Variants in SLC26A3 observed in about 807,000 individuals in gnomAD.
The protein encoded by SLC26A3 is solute carrier family 26 member 3, also known as chloride anion exchanger.
In SLC26A3, 64 loss-of-function variants were observed where a neutral mutation model predicts 85.6. The observed-to-expected ratio is 0.75, with a 90% CI of 0.61 to 0.92. SLC26A3 has a LOEUF of 0.92. SLC26A3 is among the 40% of genes least tolerant of loss of function. The probability of loss-of-function intolerance (pLI) is 0.00; values close to 1 mark genes in which losing one functional copy is unlikely to be tolerated. For missense variants in SLC26A3, 922 were observed against 927.3 expected (o/e 0.99, Z 0.07); for synonymous variants, 349 against 336.0 (o/e 1.04, Z -0.42).
intron 1 of SLC26A3, among the ~76,000 whole-genome samples, chr7:107,796,349 C>T (rs1299442308): frequency 6.6e-6 from 1 of 152,094 alleles, no homozygotes; most frequent in Non-Finnish European, 1.5e-5. Context: ...TTAAGCAATC[C>T]TTCAACCTCA....
At chr7:107,797,855 T>G (rs1794536563) in intron 1 of SLC26A3, among the ~76,000 whole-genome samples, 1 of 152,038 alleles carries the variant, frequency 6.6e-6, no homozygotes, top group East Asian at 1.9e-4. Flanking sequence ...TTTTTTCACC[T>G]GAACAAGTTA....
At position 107,774,661 on chromosome 7, in the gene SLC26A3, A is replaced by T. The variant is rs1794081313; in HGVS notation, c.1773+116T>A. 8 of 810,942 alleles carry T rather than the reference A, an allele frequency of 9.9e-6. No homozygotes were observed. In the South Asian group the frequency reaches 1.1e-4, roughly 11 times the overall value. The allele number at this position is 810,942 out of a possible 1,614,324, so 50.2% of individuals were successfully genotyped here. A position where few individuals can be genotyped will look rare whatever the true frequency, so the allele number is the denominator to read the frequency against. On this transcript the variant is annotated intron_variant, in intron 16 of 20. Coordinates refer to ENST00000340010, the MANE Select transcript of SLC26A3 (RefSeq NM_000111.3). ...TCATTTTAAAATATAACACTCATTG[A>T]CACATGAAATCCCTTGTTTATCTGG...
intron 18 of SLC26A3, among the ~76,000 whole-genome samples, chr7:107,770,657 T>G (rs956954086): frequency 5.9e-5 from 9 of 152,194 alleles, no homozygotes; most frequent in African/African-American, 2.2e-4. Context: ...ATAAGCTTCA[T>G]GAGGACAGAG....
intron 17 of SLC26A3, 97 bp from the exon 18 acceptor site, chr7:107,772,205 C>A: frequency 1.3e-6 from 1 of 743,016 alleles, no homozygotes; most frequent in South Asian, 1.5e-5. Context: ...GTGATATATT[C>A]CTTTTAGAAG....
chr7:107,781,276 A>G (rs1015346031), intron 11 of SLC26A3, among the ~76,000 whole-genome samples: 4 of 152,198 alleles, frequency 2.6e-5, no homozygotes, highest in Non-Finnish European at 4.4e-5. Flanking sequence ...GCACTCAATA[A>G]ATACCTATTA....
chr7:107,768,791 C>T (rs1173549231), intron 18 of SLC26A3, among the ~76,000 whole-genome samples: 1 of 152,000 alleles, frequency 6.6e-6, no homozygotes, highest in East Asian at 1.9e-4. Flanking sequence ...ACCGTCTAAA[C>T]GTGCCTAGGA....
chr7:107,793,422 T>G (rs1438726238), intron 3 of SLC26A3, among the ~76,000 whole-genome samples: 1 of 152,190 alleles, frequency 6.6e-6, no homozygotes, highest in Non-Finnish European at 1.5e-5. Context: ...TAAAATGGAA[T>G]GAAGTACCAA....
rs775193020 is a variant in SLC26A3 at position 107,776,691 on chromosome 7, C to T, written c.1530G>A (p.Thr510=). Residue 510 remains threonine (T), a synonymous_variant, in exon 14 of 21, where the codon ACG becomes ACA. Coordinates refer to ENST00000340010, the MANE Select transcript of SLC26A3 (RefSeq NM_000111.3). ...VFRTQFPKCS[T]LANIGRTNIY... ...TGTTGGTTCTTCCAATATTAGCCAG[C>T]GTGCTGCATTTTGGACTGTAGGGAG... 1.1e-5 allele frequency: 17 copies of T among 1,613,588 alleles called. No homozygotes were observed. The highest frequency in any genetic ancestry group is 4.5e-5 in the East Asian group (2 of 44,876).
Position 107,791,130 on chromosome 7 carries a change from G to A in SLC26A3, c.488C>T (p.Ser163Leu), listed in dbSNP as rs778088438. Residue 163 changes from serine (S) to leucine (L), a missense_variant, in exon 5 of 21, where the codon TCG becomes TTG. Coordinates refer to ENST00000340010, the MANE Select transcript of SLC26A3 (RefSeq NM_000111.3). ...NATTLGLPNN[S>L]NNSSLLDDER... ...GTCATCCAGTAGTGAAGAATTATTCGAGTTGTTAGGCAATCCCAAAGTAGT... is the reference window on the plus strand; with the variant it reads ...GTCATCCAGTAGTGAAGAATTATTCAAGTTGTTAGGCAATCCCAAAGTAGT... 17 of 1,614,186 alleles carry A rather than the reference G, an allele frequency of 1.1e-5. No homozygotes were observed. The highest frequency in any genetic ancestry group is 1.6e-4 in the Middle Eastern group (1 of 6,062).
intron 1 of SLC26A3, among the ~76,000 whole-genome samples, chr7:107,799,687 A>G (rs1794570466): frequency 6.6e-6 from 1 of 152,128 alleles, no homozygotes; most frequent in Non-Finnish European, 1.5e-5. Context: ...CACCCGGCCC[A>G]AGGCTTCAAT....
chr7:107,802,556 C>T (rs1197897365), intron 1 of SLC26A3, among the ~76,000 whole-genome samples: 5 of 151,596 alleles, frequency 3.3e-5, no homozygotes, highest in Non-Finnish European at 7.4e-5. Context: ...TTTTAAGAGA[C>T]AAGGTCTTGC....
In SLC26A3 at chr7:107,783,327, C is replaced by A; in HGVS notation, c.997G>T (p.Val333Leu). 6.2e-7 allele frequency: 1 copy of A among 1,614,150 alleles called. No individual in the cohort carries two copies. The highest frequency in any genetic ancestry group is 1.1e-5 in the South Asian group (1 of 91,074). ...CCTACGGTGTTTTGGAAAGTCTCCA[C>A]GTCAGGTGTAATAGGGGGCTGAAAT... is the stretch of plus-strand genomic sequence containing the variant. ...PGFQPPITPDVETFQNTVGDC... is the reference protein window; with the variant it reads ...PGFQPPITPDLETFQNTVGDC... The change falls in exon 9 of 21, where the codon GTG becomes TTG. Residue 333 changes from valine to leucine, a missense_variant. Coordinates refer to ENST00000340010, the MANE Select transcript of SLC26A3 (RefSeq NM_000111.3).
chr7:107,768,512 A>C (rs1793953174), intron 18 of SLC26A3, among the ~76,000 whole-genome samples: 1 of 152,238 alleles, frequency 6.6e-6, no homozygotes, highest in Non-Finnish European at 1.5e-5. Flanking sequence ...AGAAAGATCA[A>C]AAGATAAATT....
chr7:107,783,039 C>A lies in SLC26A3; in HGVS notation c.1174G>T (p.Ala392Ser). The A allele has an allele frequency of 6.2e-7, 1 of 1,614,214 alleles. No homozygotes were observed. The highest frequency in any genetic ancestry group is 8.5e-7 in the Non-Finnish European group (1 of 1,180,032). Residue 392 changes from alanine (A) to serine (S), a missense_variant, in exon 10 of 21, where the codon GCT (alanine) becomes TCT (serine). Coordinates refer to ENST00000340010, the MANE Select transcript of SLC26A3 (RefSeq NM_000111.3). ...NIVCGVFRGF[A>S]GSTALSRSAV... ...GATCTGGAGAGGGCAGTACTCCCAGCAAATCCTCTGAATACTCCACAGACT... is the reference window on the plus strand; with the variant it reads ...GATCTGGAGAGGGCAGTACTCCCAGAAAATCCTCTGAATACTCCACAGACT...
At chr7:107,775,290 GTTAT>G (rs1033962457) in intron 15 of SLC26A3, among the ~76,000 whole-genome samples, 3 of 151,612 alleles carry the variant, frequency 2.0e-5, no homozygotes, top group African/African-American at 4.8e-5. Context: ...ATAATGGTAT[GTTAT>G]TTATTATTGT....
intron 5 of SLC26A3, 36 bp from the exon 6 acceptor site, chr7:107,789,724 T>G (rs2115868273): frequency 6.3e-7 from 1 of 1,598,314 alleles, no homozygotes; most frequent in South Asian, 1.1e-5. Context: ...CAGCATAGAT[T>G]AGGAGTATAC....
At chr7:107,790,632 C>G (rs1794379911) in intron 5 of SLC26A3, among the ~76,000 whole-genome samples, 1 of 152,152 alleles carries the variant, frequency 6.6e-6, no homozygotes, top group African/African-American at 2.4e-5. Context: ...CCCATCCCTT[C>G]CAACTAGATT....
At chr7:107,799,123 C>T (rs1461186370) in intron 1 of SLC26A3, among the ~76,000 whole-genome samples, 2 of 152,064 alleles carry the variant, frequency 1.3e-5, no homozygotes, top group Non-Finnish European at 2.9e-5. Flanking sequence ...GGGGAGGGGT[C>T]TCAGCACTGA....
chr7:107,795,178 T>C (rs78132126), intron 1 of SLC26A3, among the ~76,000 whole-genome samples: 2,099 of 152,276 alleles, frequency 0.014, 32 homozygotes, highest in Middle Eastern at 0.044. Context: ...TTGTGAGTAA[T>C]AAGGTCTTTT....
Sources: gnomAD v4.1 joint callset for allele counts (sites outside exome capture counted in the v4.1 genomes callset) on GRCh38, gnomAD v4.1.1 for gene constraint, MANE v1.5 for transcripts, NCBI Gene and HGNC (gene_info 2026-07-23, HGNC 2026-07-21) for gene names.